Variants in FNDC3A observed in about 807,000 individuals in gnomAD.
FNDC3A encodes fibronectin type III domain containing 3A.
In FNDC3A, 32 loss-of-function variants were observed where a neutral mutation model predicts 148.9. The observed-to-expected ratio is 0.21, with a 90% CI of 0.16 to 0.29. FNDC3A has a LOEUF of 0.29. FNDC3A is among the 10% of genes least tolerant of loss of function. The probability of loss-of-function intolerance (pLI) is 1.00; values close to 1 mark genes in which losing one functional copy is unlikely to be tolerated. For missense variants in FNDC3A, 1,191 were observed against 1,452.8 expected, an observed-to-expected ratio of 0.82 and a Z score of 2.93; for synonymous variants, 472 against 473.6, an observed-to-expected ratio of 1.00 and a Z score of 0.04.
At chr13:49,145,564 G>C (rs895549238) in intron 7 of FNDC3A, among the ~76,000 whole-genome samples, 1 of 151,886 alleles carries the variant, frequency 6.6e-6, no homozygotes, top group African/African-American at 2.4e-5. Context: ...TAATAGTTTT[G>C]AATGGCCTGG....
At chr13:49,094,263 C>T (rs1368554503) in intron 3 of FNDC3A, among the ~76,000 whole-genome samples, 1 of 151,996 alleles carries the variant, frequency 6.6e-6, no homozygotes, top group Non-Finnish European at 1.5e-5. Context: ...GTGCTTTAAA[C>T]CTTAACCTAA....
intron 2 of FNDC3A, among the ~76,000 whole-genome samples, chr13:49,038,518 A>C (rs1874676704): frequency 6.6e-6 from 1 of 152,202 alleles, no homozygotes; most frequent in South Asian, 2.1e-4. Flanking sequence ...GGAGGAAAAC[A>C]ATCTTGCCAA....
Position 49,201,912 on chromosome 13 carries a change from C to A in FNDC3A, c.3100C>A (p.Leu1034Ile). ...TTGTAATGAAGCTGGGGAAGGTCCC[C>A]TCTCCCAAGAATATATTTTCACTAC... ...QACNEAGEGP[L>I]SQEYIFTTPK... The change falls in exon 24 of 26, where the codon CTC (leucine) becomes ATC (isoleucine). Residue 1034 changes from leucine to isoleucine, a missense_variant. Physicochemically the swap from Leu to Ile is conservative, Grantham distance 5. Coordinates refer to ENST00000492622, the MANE Select transcript of FNDC3A (RefSeq NM_001079673.2). The A allele has an allele frequency of 2.5e-6, 4 of 1,593,788 alleles. No homozygotes were observed. The highest frequency in any genetic ancestry group is 3.4e-6 in the Non-Finnish European group (4 of 1,170,078).
At chr13:48,992,349 AAAAC>A (rs1226079902) in intron 1 of FNDC3A, among the ~76,000 whole-genome samples, 1 of 152,232 alleles carries the variant, frequency 6.6e-6, no homozygotes, top group African/African-American at 2.4e-5. Context: ...AGAGAATATA[AAAAC>A]AAGCCACAGA....
rs569087214 is a variant in FNDC3A at position 49,050,522 on chromosome 13, G to A, written c.100-24767G>A. 4.6e-5 allele frequency among the ~76,000 whole-genome samples: 7 copies of A among 151,990 alleles called. 1 individual carries two copies. The South Asian group carries it at 1.2e-3, about 27-fold the overall frequency. ...CTGAGAGAGTACTTGGTATAATTTC[G>A]ATTTTCTTAAATTTACTGAAACTTG... On this transcript the variant is annotated intron_variant, in intron 2 of 25. Transcript: ENST00000492622.
chr13:49,091,088 T>G (rs994106219), intron 3 of FNDC3A, among the ~76,000 whole-genome samples: 15 of 152,022 alleles, frequency 9.9e-5, no homozygotes, highest in Admixed American at 6.6e-4. Flanking sequence ...CTCAGGCTGA[T>G]CCTTGGCAAA....
intron 2 of FNDC3A, among the ~76,000 whole-genome samples, chr13:49,022,181 C>T (rs564961031): frequency 2.6e-5 from 4 of 152,020 alleles, no homozygotes; most frequent in Non-Finnish European, 5.9e-5. Flanking sequence ...TTGGTTAGAC[C>T]CTTCATCGAG....
At chr13:49,147,403 A>G (rs1449941952) in intron 8 of FNDC3A, among the ~76,000 whole-genome samples, 1 of 151,934 alleles carries the variant, frequency 6.6e-6, no homozygotes, top group African/African-American at 2.4e-5. Context: ...TTTTCATCAT[A>G]TTTACTGGCC....
At chr13:49,197,064 C>T (rs1593742343) in intron 20 of FNDC3A, 74 bp downstream of exon 20, 1 of 894,012 alleles carries the variant, frequency 1.1e-6, no homozygotes, top group Non-Finnish European at 1.7e-6. Flanking sequence ...AATAAAGATA[C>T]TGTTCATTTT....
intron 19 of FNDC3A, among the ~76,000 whole-genome samples, chr13:49,195,676 AAAAT>A (rs1240260446): frequency 2.0e-5 from 3 of 152,210 alleles, no homozygotes; most frequent in South Asian, 2.1e-4. Flanking sequence ...TCCTAAATTA[AAAAT>A]AAATAACTTG....
chr13:49,193,937 A>G (rs759671464), intron 19 of FNDC3A, among the ~76,000 whole-genome samples: 1 of 151,460 alleles, frequency 6.6e-6, no homozygotes, highest in Non-Finnish European at 1.5e-5. Flanking sequence ...AAGCAATTAA[A>G]AACAAAAAAC....
chr13:49,085,254 A>G (rs149519041), intron 3 of FNDC3A, among the ~76,000 whole-genome samples: 1 of 152,214 alleles, frequency 6.6e-6, no homozygotes, highest in African/African-American at 2.4e-5. Context: ...ATAGTTATAA[A>G]CCCTGAGCCT....
At chr13:49,138,479 G>C (rs2137946829) in intron 6 of FNDC3A, among the ~76,000 whole-genome samples, 1 of 152,048 alleles carries the variant, frequency 6.6e-6, no homozygotes, top group South Asian at 2.1e-4. Context: ...AGAAAAATTT[G>C]GTTCAGATAG....
intron 2 of FNDC3A, among the ~76,000 whole-genome samples, chr13:49,018,970 C>T (rs1377472896): frequency 6.6e-6 from 1 of 152,186 alleles, no homozygotes. Context: ...CTCAGATCTC[C>T]AGCTGCGTGC....
chr13:49,054,386 A>T (rs1201896668), intron 2 of FNDC3A, among the ~76,000 whole-genome samples: 1 of 152,194 alleles, frequency 6.6e-6, no homozygotes, highest in Non-Finnish European at 1.5e-5. Context: ...GAGATAGAAG[A>T]TACATTCAGG....
chr13:49,163,397 C>T (rs1334626858), intron 8 of FNDC3A, among the ~76,000 whole-genome samples: 1 of 152,216 alleles, frequency 6.6e-6, no homozygotes, highest in Admixed American at 6.5e-5. Context: ...GACTACTCTG[C>T]TAGCAGTAAG....
chr13:48,983,190 T>C (rs1347832645), intron 1 of FNDC3A, among the ~76,000 whole-genome samples: 2 of 152,350 alleles, frequency 1.3e-5, no homozygotes, highest in East Asian at 1.9e-4. Context: ...TAAATACATA[T>C]TTTTAAATAA....
intron 19 of FNDC3A, among the ~76,000 whole-genome samples, chr13:49,195,092 C>T (rs1357700418): frequency 6.6e-6 from 1 of 151,914 alleles, no homozygotes; most frequent in African/African-American, 2.4e-5. Context: ...TTTCAAGAGC[C>T]GTATTAGTTG....
chr13:49,003,239 T>A (rs1952159083), intron 1 of FNDC3A, among the ~76,000 whole-genome samples: 1 of 152,002 alleles, frequency 6.6e-6, no homozygotes, highest in Non-Finnish European at 1.5e-5. Flanking sequence ...TTAATTTTTG[T>A]ATGTTTAGTA....
Sources: gnomAD v4.1 joint callset for allele counts (sites outside exome capture counted in the v4.1 genomes callset) on GRCh38, gnomAD v4.1.1 for gene constraint, MANE v1.5 for transcripts, NCBI Gene and HGNC (gene_info 2026-07-23, HGNC 2026-07-21) for gene names.